GABRB1: variants seen among roughly 807,000 people sequenced by gnomAD.
GABRB1 encodes gamma-aminobutyric acid receptor subunit beta-1.
A neutral mutation model predicts 51.6 loss-of-function variants in GABRB1; 17 were observed. The ratio of observed to expected loss-of-function variants is 0.33; its 90% CI spans 0.23 to 0.49. The LOEUF (loss-of-function observed/expected upper bound fraction) is 0.49. Ranked by LOEUF, GABRB1 falls within the 20% of genes least tolerant of loss-of-function variation. GABRB1 has a pLI of 0.99. For synonymous variants in GABRB1, 247 were observed against 218.9 expected (o/e 1.13, Z -1.14); for missense variants, 410 against 600.6 (o/e 0.68, Z 3.32).
rs1721407284 is a variant in GABRB1 at position 47,238,496 on chromosome 4, G to A, written c.461+77027G>A. Among the ~76,000 whole-genome samples, 3 of 151,984 alleles carry A rather than the reference G, an allele frequency of 2.0e-5. No individual in the cohort carries two copies. The South Asian group carries it at 6.2e-4, about 31-fold the overall frequency. On this transcript the variant is annotated intron_variant, in intron 4 of 8. Coordinates refer to ENST00000295454, the MANE Select transcript of GABRB1 (RefSeq NM_000812.4). ...TGTGTTGGAAACTATGCAACAAATA[G>A]GTAATCTTACAAATTGTGTATGACA...
chr4:47,004,077 C>G (rs1488558347), intron 1 of GABRB1, among the ~76,000 whole-genome samples: 1 of 152,070 alleles, frequency 6.6e-6, no homozygotes, highest in Non-Finnish European at 1.5e-5. Context: ...CAACCGCCAC[C>G]TCCTGGGTTC....
intron 4 of GABRB1, among the ~76,000 whole-genome samples, chr4:47,256,181 TAGTGA>T (rs1722191957): frequency 6.6e-6 from 1 of 152,154 alleles, no homozygotes; most frequent in African/African-American, 2.4e-5. Flanking sequence ...CTGATGTATT[TAGTGA>T]AGGGATAGAA....
At chr4:47,312,358 A>G (rs1478452585) in intron 4 of GABRB1, among the ~76,000 whole-genome samples, 3 of 152,126 alleles carry the variant, frequency 2.0e-5, no homozygotes, top group Non-Finnish European at 4.4e-5. Flanking sequence ...TCCTGTCACA[A>G]CTATGAAGAT....
intron 3 of GABRB1, among the ~76,000 whole-genome samples, chr4:47,080,754 T>A (rs554672346): frequency 6.6e-6 from 1 of 152,122 alleles, no homozygotes; most frequent in African/African-American, 2.4e-5. Context: ...AATAGACAAA[T>A]TGATTAATCA....
intron 1 of GABRB1, among the ~76,000 whole-genome samples, chr4:46,999,104 T>C (rs976829347): frequency 6.6e-5 from 10 of 152,172 alleles, no homozygotes; most frequent in South Asian, 2.1e-4. Flanking sequence ...CTAATAGTAA[T>C]GGTTTGCAAG....
intron 5 of GABRB1, among the ~76,000 whole-genome samples, chr4:47,387,927 A>G (rs1727856783): frequency 1.3e-5 from 2 of 152,182 alleles, no homozygotes; most frequent in African/African-American, 4.8e-5. Flanking sequence ...TGGCAGCAGA[A>G]TTTCTATCAG....
intron 4 of GABRB1, among the ~76,000 whole-genome samples, chr4:47,172,705 G>A (rs576342921): frequency 8.1e-4 from 107 of 131,500 alleles, no homozygotes; most frequent in African/African-American, 2.4e-3. Context: ...GCAGTGGCAC[G>A]GTCTCAACTC....
chr4:47,096,937 C>T (rs550402093), intron 3 of GABRB1, among the ~76,000 whole-genome samples: 1 of 152,316 alleles, frequency 6.6e-6, no homozygotes, highest in African/African-American at 2.4e-5. Flanking sequence ...GCACACACAA[C>T]TGTAAGGTAG....
intron 5 of GABRB1, among the ~76,000 whole-genome samples, chr4:47,361,301 A>C (rs1053089621): frequency 2.0e-5 from 3 of 152,202 alleles, no homozygotes; most frequent in Admixed American, 2.0e-4. Context: ...TCATGGACTA[A>C]TAGTAAACAA....
chr4:47,314,272 C>T (rs1454257035), intron 4 of GABRB1, among the ~76,000 whole-genome samples: 1 of 151,918 alleles, frequency 6.6e-6, no homozygotes, highest in Non-Finnish European at 1.5e-5. Flanking sequence ...ACAGTAAATT[C>T]AGTTATGCTT....
chr4:47,291,113 G>A (rs1482595749), intron 4 of GABRB1, among the ~76,000 whole-genome samples: 2 of 152,154 alleles, frequency 1.3e-5, no homozygotes, highest in African/African-American at 2.4e-5. Flanking sequence ...TCCTGGGACG[G>A]GCCCAGGGTC....
intron 3 of GABRB1, among the ~76,000 whole-genome samples, chr4:47,075,624 T>C (rs141911204): frequency 2.0e-5 from 3 of 152,342 alleles, no homozygotes; most frequent in African/African-American, 7.2e-5. Flanking sequence ...CCTATTGCAG[T>C]AACAAGGGAG....
At chr4:47,410,163 A>AT (rs910568387) in intron 8 of GABRB1, among the ~76,000 whole-genome samples, 2 of 152,190 alleles carry the variant, frequency 1.3e-5, no homozygotes, top group African/African-American at 4.8e-5. Context: ...CTTAAAGGAG[A>AT]TTTTTTTAAA....
rs1019508699 is a variant in GABRB1 at position 47,213,572 on chromosome 4, TCTAA to T, written c.461+52106_461+52109del. ...ATGTTCTCAACTTTTAATTTGTAATTCTAACTGTGTTTTGATGCCTGGAAATCTT... is the reference window on the plus strand; with the variant it reads ...ATGTTCTCAACTTTTAATTTGTAATTCTGTGTTTTGATGCCTGGAAATCTT... On this transcript the variant is annotated intron_variant, in intron 4 of 8. Coordinates refer to ENST00000295454, the MANE Select transcript of GABRB1 (RefSeq NM_000812.4). 9.2e-5 allele frequency among the ~76,000 whole-genome samples: 14 copies of T among 152,216 alleles called. 1 individual carries two copies. The highest frequency in any genetic ancestry group is 7.2e-4 in the Admixed American group (11 of 15,284).
intron 5 of GABRB1, among the ~76,000 whole-genome samples, chr4:47,345,791 GT>G (rs1334932747): frequency 1.3e-5 from 2 of 152,098 alleles, no homozygotes; most frequent in Non-Finnish European, 2.9e-5. Context: ...GAACACAATA[GT>G]TTATTCAGCA....
intron 4 of GABRB1, among the ~76,000 whole-genome samples, chr4:47,210,050 A>G (rs1720295747): frequency 6.6e-6 from 1 of 152,140 alleles, no homozygotes; most frequent in Non-Finnish European, 1.5e-5. Flanking sequence ...TTCACTGCTT[A>G]TTCCAGTTCC....
intron 3 of GABRB1, among the ~76,000 whole-genome samples, chr4:47,048,145 CT>C (rs934799732): frequency 6.6e-6 from 1 of 152,090 alleles, no homozygotes; most frequent in Non-Finnish European, 1.5e-5. Context: ...TCCATCATAG[CT>C]TCAAAAATCC....
rs572938779 is a variant in GABRB1 at position 47,288,984 on chromosome 4, T to A, written c.462-31143T>A. 7.0e-4 allele frequency among the ~76,000 whole-genome samples: 106 copies of A among 152,314 alleles called. 4 individuals are homozygous for A. The South Asian group carries it at 0.021, about 30-fold the overall frequency. Reference sequence around the variant, plus strand: ...ATATATTTACTAGCATGGCACCTTATTGTAAAGATGATCAATATAGATGAG... The same window carrying A: ...ATATATTTACTAGCATGGCACCTTAATGTAAAGATGATCAATATAGATGAG... On this transcript the variant is annotated intron_variant, in intron 4 of 8. Coordinates refer to ENST00000295454, the MANE Select transcript of GABRB1 (RefSeq NM_000812.4).
At chr4:47,179,003 A>C (rs939592207) in intron 4 of GABRB1, among the ~76,000 whole-genome samples, 2 of 151,974 alleles carry the variant, frequency 1.3e-5, no homozygotes, top group Non-Finnish European at 2.9e-5. Flanking sequence ...TCTGGGATAC[A>C]TGTGCAGAAC....
Sources: gnomAD v4.1 joint callset for allele counts (sites outside exome capture counted in the v4.1 genomes callset) on GRCh38, gnomAD v4.1.1 for gene constraint, MANE v1.5 for transcripts, NCBI Gene and HGNC (gene_info 2026-07-23, HGNC 2026-07-21) for gene names.